Variants in TNKS observed in about 807,000 individuals in gnomAD.
TNKS encodes tankyrase.
TNKS carries 72 observed loss-of-function variants against 135.8 expected under a neutral mutation model. The observed-to-expected ratio is 0.53, with a 90% CI of 0.44 to 0.64. TNKS has a LOEUF of 0.64. TNKS is among the 30% of genes least tolerant of loss of function. The pLI, the probability that TNKS is intolerant of heterozygous loss-of-function variation, is 0.00. For missense variants in TNKS, 1,769 were observed against 1,674.0 expected, an observed-to-expected ratio of 1.06 and a Z score of -0.99; for synonymous variants, 849 against 649.3, an observed-to-expected ratio of 1.31 and a Z score of -4.68.
chr8:9,769,681 G>A (rs371961718), intron 25 of TNKS, among the ~76,000 whole-genome samples: 1,709 of 143,934 alleles, frequency 0.012, 34 homozygotes, highest in African/African-American at 0.041. Context: ...GTGCAGTGGC[G>A]CGATCTCGGC....
chr8:9,683,030 A>G (rs1489015449), intron 5 of TNKS, among the ~76,000 whole-genome samples: 2 of 152,054 alleles, frequency 1.3e-5, no homozygotes, highest in Non-Finnish European at 2.9e-5. Context: ...AATTAAACTT[A>G]AGCATTTATT....
intron 13 of TNKS, among the ~76,000 whole-genome samples, chr8:9,730,654 T>G (rs1452008521): frequency 6.6e-6 from 1 of 152,176 alleles, no homozygotes; most frequent in Non-Finnish European, 1.5e-5. Flanking sequence ...GATTCCGATT[T>G]TGGTTGGGAA....
At chr8:9,760,666 G>A (rs1585430084) in intron 20 of TNKS, among the ~76,000 whole-genome samples, 3 of 152,290 alleles carry the variant, frequency 2.0e-5, no homozygotes, top group East Asian at 1.9e-4. Flanking sequence ...GGCTACCCGC[G>A]TTCATCCTGT....
chr8:9,561,567 T>G (rs1797332134), intron 1 of TNKS, among the ~76,000 whole-genome samples: 1 of 152,208 alleles, frequency 6.6e-6, no homozygotes, highest in Non-Finnish European at 1.5e-5. Context: ...TAGATTTCAT[T>G]ATATGAATAT....
chr8:9,752,923 C>T (rs1806623392), intron 20 of TNKS, among the ~76,000 whole-genome samples: 1 of 151,480 alleles, frequency 6.6e-6, no homozygotes, highest in Non-Finnish European at 1.5e-5. Context: ...TGTGATTGTG[C>T]CACTGCATTC....
chr8:9,768,400 A>T (rs919267270), intron 25 of TNKS, among the ~76,000 whole-genome samples: 1 of 152,242 alleles, frequency 6.6e-6, no homozygotes, highest in Non-Finnish European at 1.5e-5. Context: ...CAACAGTAGT[A>T]TATCAGTGAG....
chr8:9,589,724 G>C (rs1043218410), intron 2 of TNKS, among the ~76,000 whole-genome samples: 1 of 152,270 alleles, frequency 6.6e-6, no homozygotes, highest in African/African-American at 2.4e-5. Flanking sequence ...TGGGAGCCAC[G>C]TGGGTGAGGA....
chr8:9,563,318 C>T (rs1797408536), intron 1 of TNKS, among the ~76,000 whole-genome samples: 1 of 151,748 alleles, frequency 6.6e-6, no homozygotes, highest in Non-Finnish European at 1.5e-5. Context: ...CTTTTTTTCT[C>T]CTTTCATCTT....
intron 1 of TNKS, among the ~76,000 whole-genome samples, chr8:9,567,477 G>A (rs974304802): frequency 6.6e-6 from 1 of 152,122 alleles, no homozygotes; most frequent in African/African-American, 2.4e-5. Context: ...GCGCAGTGGC[G>A]CGATCTTGGC....
intron 3 of TNKS, among the ~76,000 whole-genome samples, chr8:9,638,871 T>G (rs780980862): frequency 3.9e-5 from 6 of 152,140 alleles, no homozygotes; most frequent in African/African-American, 7.2e-5. Flanking sequence ...TGTATATCTA[T>G]TTTTCAAATT....
chr8:9,653,798 C>T (rs756731294), intron 3 of TNKS, among the ~76,000 whole-genome samples: 1 of 152,154 alleles, frequency 6.6e-6, no homozygotes, highest in African/African-American at 2.4e-5. Flanking sequence ...CATTCTCTGC[C>T]CTTTCTTTCT....
chr8:9,747,214 T>C (rs889233784), intron 17 of TNKS, among the ~76,000 whole-genome samples: 4 of 152,154 alleles, frequency 2.6e-5, no homozygotes, highest in African/African-American at 9.7e-5. Flanking sequence ...CAATTTCTTT[T>C]AATAGTTCTA....
At position 9,602,198 on chromosome 8, in the gene TNKS, C is replaced by A. The variant is rs566577621; in HGVS notation, c.899-13384C>A. Among the ~76,000 whole-genome samples the A allele has an allele frequency of 2.0e-5, 3 of 152,264 alleles. No homozygotes were observed. The East Asian group carries it at 5.8e-4, about 29-fold the overall frequency. On this transcript the variant is annotated intron_variant, in intron 2 of 26. Coordinates refer to ENST00000310430, the MANE Select transcript of TNKS (RefSeq NM_003747.3). ...AGCCGTGGCAAAAGCCCGAGCCTGA[C>A]TACTTAGGCTGTTAAAGATGCAACA...
chr8:9,605,759 C>T (rs1799192993), intron 2 of TNKS, among the ~76,000 whole-genome samples: 1 of 151,960 alleles, frequency 6.6e-6, no homozygotes, highest in East Asian at 1.9e-4. Context: ...TGTGAAATGC[C>T]CTAGTCTCTT....
chr8:9,561,015 T>A (rs924939136), intron 1 of TNKS, among the ~76,000 whole-genome samples: 6 of 152,186 alleles, frequency 3.9e-5, no homozygotes, highest in Non-Finnish European at 8.8e-5. Context: ...AGCAAAAAAT[T>A]TGTAACAAGC....
intron 6 of TNKS, among the ~76,000 whole-genome samples, chr8:9,705,507 G>A (rs769540706): frequency 3.2e-4 from 49 of 152,162 alleles, no homozygotes; most frequent in Non-Finnish European, 5.7e-4. Flanking sequence ...CCCAAGTCAA[G>A]AAACATAAAA....
chr8:9,777,575 G>A lies in TNKS; in HGVS notation c.*839G>A, dbSNP rs1808285772. On this transcript the variant is annotated 3_prime_UTR_variant, in exon 27 of 27. Coordinates refer to ENST00000310430, the MANE Select transcript of TNKS (RefSeq NM_003747.3). ...CGGGACAGTACTGGAGATGCAGGTT[G>A]ACACGGGCTTGAGTTCCAAGGTGAA... 1 of 152,296 alleles carries A rather than the reference G, an allele frequency of 6.6e-6. No homozygotes were observed. The highest frequency in any genetic ancestry group is 2.4e-5 in the African/African-American group (1 of 41,454). 9.4% of individuals were successfully genotyped at this position (152,296 alleles called of 1,614,324 possible).
chr8:9,609,684 G>T (rs1193946737), intron 2 of TNKS, among the ~76,000 whole-genome samples: 1 of 152,084 alleles, frequency 6.6e-6, no homozygotes, highest in Non-Finnish European at 1.5e-5. Context: ...TTTAGAAGTT[G>T]TGTTTTTGTT....
intron 1 of TNKS, among the ~76,000 whole-genome samples, chr8:9,579,538 G>T (rs964003415): frequency 6.6e-6 from 1 of 151,988 alleles, no homozygotes; most frequent in Admixed American, 6.6e-5. Flanking sequence ...GCGTGGTCTC[G>T]GCTCACTGCC....
Sources: allele counts gnomAD v4.1 joint callset (sites outside exome capture counted in the v4.1 genomes callset), GRCh38; gene constraint gnomAD v4.1.1; transcripts MANE v1.5; gene names NCBI Gene and HGNC (gene_info 2026-07-23, HGNC 2026-07-21).